Variants in SPON1 observed in about 807,000 individuals in gnomAD.
SPON1 encodes the protein spondin-1.
In SPON1, 52 loss-of-function variants were observed where a neutral mutation model predicts 111.7. That is an observed-to-expected ratio of 0.47 (90% CI 0.37 to 0.59). The LOEUF (loss-of-function observed/expected upper bound fraction) is 0.59, where lower values mean the gene tolerates loss of function less well. Ranked by LOEUF, SPON1 falls within the 20% of genes least tolerant of loss-of-function variation. SPON1 has a pLI of 0.00. For synonymous variants in SPON1, 410 were observed against 395.8 expected, an observed-to-expected ratio of 1.04 and a Z score of -0.43; for missense variants, 957 against 1,068.5, an observed-to-expected ratio of 0.90 and a Z score of 1.46.
At chr11:14,000,906 T>C (rs1387630324) in intron 2 of SPON1, among the ~76,000 whole-genome samples, 2 of 152,212 alleles carry the variant, frequency 1.3e-5, no homozygotes, top group African/African-American at 4.8e-5. Flanking sequence ...TTGCTGAGTT[T>C]GTTTCCTTGC....
At chr11:14,147,088 G>T (rs12793925) in intron 6 of SPON1, among the ~76,000 whole-genome samples, 1 of 137,842 alleles carries the variant, frequency 7.3e-6, no homozygotes, top group Non-Finnish European at 1.5e-5. Context: ...GGAGTGCAGT[G>T]GTGCGATCTT....
intron 5 of SPON1, among the ~76,000 whole-genome samples, chr11:14,095,966 A>G (rs1849097775): frequency 6.6e-6 from 1 of 152,220 alleles, no homozygotes; most frequent in East Asian, 1.9e-4. Flanking sequence ...CAGCTGTGCC[A>G]CTGCCAGTGC....
At chr11:14,065,520 C>G (rs1254617922) in intron 3 of SPON1, among the ~76,000 whole-genome samples, 1 of 152,178 alleles carries the variant, frequency 6.6e-6, no homozygotes. Context: ...TCTTGTTTTC[C>G]AGCTGAGACA....
At chr11:14,046,186 G>A (rs1361512621) in intron 3 of SPON1, among the ~76,000 whole-genome samples, 1 of 152,132 alleles carries the variant, frequency 6.6e-6, no homozygotes, top group Non-Finnish European at 1.5e-5. Flanking sequence ...AGAGAGGATG[G>A]GGTAGAGAGG....
At chr11:14,015,641 G>A (rs1554914227) in intron 2 of SPON1, among the ~76,000 whole-genome samples, 1 of 152,240 alleles carries the variant, frequency 6.6e-6, no homozygotes. Flanking sequence ...ATATGTCAAA[G>A]ATGTGGTTGA....
chr11:14,146,413 G>C (rs568367135), intron 6 of SPON1, among the ~76,000 whole-genome samples: 1 of 152,028 alleles, frequency 6.6e-6, no homozygotes, highest in Admixed American at 6.5e-5. Context: ...GCCTCCCAAA[G>C]TTCTGGGATT....
chr11:14,264,015 G>A (rs1306912498), intron 15 of SPON1, among the ~76,000 whole-genome samples: 1 of 149,986 alleles, frequency 6.7e-6, no homozygotes, highest in Non-Finnish European at 1.5e-5. Flanking sequence ...GGCAACAAGA[G>A]TGAAACTCCG....
At chr11:14,227,201 G>A (rs1006409617) in intron 6 of SPON1, among the ~76,000 whole-genome samples, 3 of 152,030 alleles carry the variant, frequency 2.0e-5, no homozygotes, top group East Asian at 1.9e-4. Context: ...TTGTAGAGAC[G>A]CAGTGTCACT....
chr11:14,123,211 G>A (rs1312382140), intron 5 of SPON1, among the ~76,000 whole-genome samples: 1 of 152,008 alleles, frequency 6.6e-6, no homozygotes, highest in African/African-American at 2.4e-5. Context: ...GGGATTACAG[G>A]CATGAGCACC....
chr11:13,963,222 GC>G, intron 1 of SPON1, 80 bp downstream of exon 1: 1 of 1,147,396 alleles, frequency 8.7e-7, no homozygotes, highest in Admixed American at 3.4e-5. Flanking sequence ...CCGGAGGAGG[GC>G]GCGCGGTCTC....
At chr11:14,204,389 C>T (rs1180442062) in intron 6 of SPON1, among the ~76,000 whole-genome samples, 1 of 152,178 alleles carries the variant, frequency 6.6e-6, no homozygotes, top group Non-Finnish European at 1.5e-5. Flanking sequence ...TCAAGTGATC[C>T]TCCTACCTCA....
chr11:14,241,908 C>T (rs537488260), intron 6 of SPON1, among the ~76,000 whole-genome samples: 1 of 152,110 alleles, frequency 6.6e-6, no homozygotes, highest in Non-Finnish European at 1.5e-5. Context: ...TTTTTTTCAT[C>T]TGATGGAAAG....
intron 5 of SPON1, among the ~76,000 whole-genome samples, chr11:14,113,578 T>A (rs1554925658): frequency 2.7e-3 from 14 of 5,260 alleles, no homozygotes; most frequent in East Asian, 8.8e-3. Context: ...ATTTTTTTTT[T>A]TTTTTTTTTT....
At chr11:14,072,469 G>C (rs1262641643) in intron 3 of SPON1, among the ~76,000 whole-genome samples, 2 of 151,912 alleles carry the variant, frequency 1.3e-5, no homozygotes, top group African/African-American at 4.8e-5. Flanking sequence ...AGAAGATTCA[G>C]AGTATTTATT....
chr11:14,216,886 A>G (rs912620674), intron 6 of SPON1, among the ~76,000 whole-genome samples: 1 of 152,228 alleles, frequency 6.6e-6, no homozygotes, highest in Non-Finnish European at 1.5e-5. Context: ...ATTAGTTGAT[A>G]AAGAATGAGC....
At chr11:14,258,040 A>G (rs1849129869) in intron 11 of SPON1, 142 bp downstream of exon 11, 4 of 667,864 alleles carry the variant, frequency 6.0e-6, no homozygotes, top group African/African-American at 3.7e-5. Context: ...GCAAACTCCT[A>G]TCTGCAACAG....
At chr11:14,086,176 T>C (rs1554922585) in intron 5 of SPON1, among the ~76,000 whole-genome samples, 1 of 152,138 alleles carries the variant, frequency 6.6e-6, no homozygotes, top group Non-Finnish European at 1.5e-5. Context: ...GAACTTCCAA[T>C]AGTATGTTAA....
rs947767247 is a variant in SPON1 at position 14,010,062 on chromosome 11, T to C, written c.345+27109T>C. 3.0e-4 allele frequency among the ~76,000 whole-genome samples: 45 copies of C among 152,148 alleles called. 1 individual carries two copies. The highest frequency in any genetic ancestry group is 7.2e-4 in the Admixed American group (11 of 15,272). ...CTGTCTGACACACAGAGATGCTCAATAGGTATGCACTGCAGGAACAAATGA... is the reference window on the plus strand; with the variant it reads ...CTGTCTGACACACAGAGATGCTCAACAGGTATGCACTGCAGGAACAAATGA... On this transcript the variant is annotated intron_variant, in intron 2 of 15. Transcript: ENST00000576479.
chr11:14,265,097 C>T (rs1849248438), intron 15 of SPON1, among the ~76,000 whole-genome samples: 1 of 152,142 alleles, frequency 6.6e-6, no homozygotes, highest in Non-Finnish European at 1.5e-5. Context: ...GCTGGTGGCA[C>T]AATTGGACCA....
Sources: allele counts gnomAD v4.1 joint callset (sites outside exome capture counted in the v4.1 genomes callset), GRCh38; gene constraint gnomAD v4.1.1; transcripts MANE v1.5; gene names NCBI Gene and HGNC (gene_info 2026-07-23, HGNC 2026-07-21).